Variants in PTPRJ observed in about 807,000 individuals in gnomAD.
PTPRJ encodes protein tyrosine phosphatase receptor type J.
In PTPRJ, 129 loss-of-function variants were observed where a neutral mutation model predicts 141.3. The ratio of observed to expected loss-of-function variants is 0.91; its 90% CI spans 0.79 to 1.06. The LOEUF (loss-of-function observed/expected upper bound fraction) is 1.06, where lower values mean the gene tolerates loss of function less well. Ranked by LOEUF, PTPRJ falls within the 50% of genes least tolerant of loss-of-function variation. The pLI is 0.00. For missense variants in PTPRJ, 1,601 were observed against 1,679.7 expected (o/e 0.95, Z 0.82); for synonymous variants, 610 against 640.5 (o/e 0.95, Z 0.72).
chr11:48,110,215 C>CT (rs1394841647), intron 2 of PTPRJ, 139 bp downstream of exon 2: 898 of 1,031,780 alleles, frequency 8.7e-4, no homozygotes, highest in Middle Eastern at 1.1e-3. Context: ...TTTTTCTTTT[C>CT]TTTTTTTTTG....
At chr11:48,091,004 C>A (rs1160863116) in intron 1 of PTPRJ, among the ~76,000 whole-genome samples, 1 of 152,162 alleles carries the variant, frequency 6.6e-6, no homozygotes, top group Admixed American at 6.5e-5. Context: ...GTTTGTCATA[C>A]CACATTCCGA....
intron 1 of PTPRJ, among the ~76,000 whole-genome samples, chr11:48,059,110 C>CTTTTTT (rs917350262): frequency 2.9e-5 from 3 of 102,160 alleles, no homozygotes; most frequent in African/African-American, 8.5e-5. Context: ...TGTGCTGTGC[C>CTTTTTT]TTTTTTTTTT....
chr11:48,138,795 A>G (rs1857163401), intron 10 of PTPRJ, among the ~76,000 whole-genome samples: 1 of 152,174 alleles, frequency 6.6e-6, no homozygotes, highest in Non-Finnish European at 1.5e-5. Flanking sequence ...CTGTGGATTT[A>G]TCTGCAGATG....
intron 1 of PTPRJ, among the ~76,000 whole-genome samples, chr11:48,033,148 G>T (rs1426475283): frequency 3.9e-5 from 6 of 152,146 alleles, no homozygotes; most frequent in Non-Finnish European, 7.3e-5. Flanking sequence ...GAGGGGATGG[G>T]TGCTATTTTC....
intron 1 of PTPRJ, among the ~76,000 whole-genome samples, chr11:48,099,413 C>T (rs955672941): frequency 1.3e-5 from 2 of 152,208 alleles, no homozygotes; most frequent in Non-Finnish European, 2.9e-5. Flanking sequence ...CAGCTACAGT[C>T]GTTAGTTTAC....
At chr11:48,100,055 C>G (rs1856114315) in intron 1 of PTPRJ, among the ~76,000 whole-genome samples, 1 of 152,128 alleles carries the variant, frequency 6.6e-6, no homozygotes, top group South Asian at 2.1e-4. Flanking sequence ...GCAGACCCCA[C>G]TGGCAGGTGT....
Position 48,078,908 on chromosome 11 carries a change from A to G in PTPRJ, c.97-31150A>G, listed in dbSNP as rs530168617. Among the ~76,000 whole-genome samples the G allele has an allele frequency of 8.0e-5, 12 of 149,464 alleles. No homozygotes were observed. The South Asian group carries it at 2.5e-3, about 31-fold the overall frequency. Reference sequence around the variant, plus strand: ...GCCCTGAGTAGTTGCTGCAGAGACCATATGGCCTGCAAAGACTAAAATATG... The same window carrying G: ...GCCCTGAGTAGTTGCTGCAGAGACCGTATGGCCTGCAAAGACTAAAATATG... On this transcript the variant is annotated intron_variant, in intron 1 of 24. Transcript: ENST00000418331.
intron 1 of PTPRJ, 60 bp from the exon 2 acceptor site, chr11:48,109,998 G>C (rs913747491): frequency 8.2e-6 from 13 of 1,592,636 alleles, no homozygotes; most frequent in Non-Finnish European, 1.1e-5. Context: ...CTTTATTTCT[G>C]ATTTGCATTT....
At chr11:48,103,931 G>A (rs913539101) in intron 1 of PTPRJ, among the ~76,000 whole-genome samples, 11 of 152,208 alleles carry the variant, frequency 7.2e-5, no homozygotes, top group Admixed American at 1.3e-4. Context: ...ATGAGCCAGC[G>A]GGGATCTTTG....
At chr11:48,011,186 A>G (rs752180151) in intron 1 of PTPRJ, among the ~76,000 whole-genome samples, 4 of 152,164 alleles carry the variant, frequency 2.6e-5, no homozygotes, top group Non-Finnish European at 5.9e-5. Flanking sequence ...CATTTAATCT[A>G]TAAGACTTGA....
intron 1 of PTPRJ, among the ~76,000 whole-genome samples, chr11:48,012,542 G>T (rs1346723636): frequency 1.3e-5 from 2 of 152,104 alleles, no homozygotes; most frequent in Non-Finnish European, 2.9e-5. Flanking sequence ...TACACAGCAA[G>T]TGTAACCTCT....
chr11:48,021,778 T>C (rs1422834795), intron 1 of PTPRJ, among the ~76,000 whole-genome samples: 3 of 152,132 alleles, frequency 2.0e-5, no homozygotes, highest in African/African-American at 4.8e-5. Context: ...GGGTTTTGTT[T>C]TGTTTTGTTT....
At chr11:48,090,981 C>T (rs1157575144) in intron 1 of PTPRJ, among the ~76,000 whole-genome samples, 1 of 152,172 alleles carries the variant, frequency 6.6e-6, no homozygotes, top group Admixed American at 6.5e-5. Flanking sequence ...TGGTGCTTCT[C>T]AAACCCAAGG....
At chr11:48,055,926 G>A (rs181113495) in intron 1 of PTPRJ, among the ~76,000 whole-genome samples, 1 of 152,282 alleles carries the variant, frequency 6.6e-6, no homozygotes, top group East Asian at 1.9e-4. Flanking sequence ...TTTCCAGCTC[G>A]GTTACTTGCT....
chr11:48,159,131 G>C lies in PTPRJ; in HGVS notation c.3439-799G>C, dbSNP rs1483519340. ...GTGTGTGTGTATGTGGGGTGTGTGT[G>C]TGTGTGTGTGTGTGTGTGTGTGTGT... On this transcript the variant is annotated intron_variant, in intron 21 of 24. Coordinates refer to ENST00000418331, the MANE Select transcript of PTPRJ (RefSeq NM_002843.4). 6.3e-5 allele frequency among the ~76,000 whole-genome samples: 9 copies of C among 143,222 alleles called. 1 individual carries two copies. The highest frequency in any genetic ancestry group is 1.4e-4 in the Admixed American group (2 of 14,170). 94.0% of individuals were successfully genotyped at this position (143,222 alleles called of 152,430 possible).
chr11:48,055,859 G>C lies in PTPRJ; in HGVS notation c.97-54199G>C, dbSNP rs75874665. ...GGGAGCAATAAGCAGTGCTGAAAAC[G>C]CGATGCATTTCAACCCAAAGCACTC... On this transcript the variant is annotated intron_variant, in intron 1 of 24. Transcript: ENST00000418331. 2.0e-3 allele frequency among the ~76,000 whole-genome samples: 301 copies of C among 152,348 alleles called. 11 individuals are homozygous for C. The East Asian group carries it at 0.046, about 24-fold the overall frequency.
intron 8 of PTPRJ, chr11:48,132,571 G>A: frequency 1.0e-6 from 1 of 970,786 alleles, no homozygotes; most frequent in Non-Finnish European, 1.2e-6. Context: ...ACAGAGGGTA[G>A]AATAAAGATA....
At chr11:48,096,929 CCTT>C (rs1856019600) in intron 1 of PTPRJ, 4 of 155,022 alleles carry the variant, frequency 2.6e-5, no homozygotes, top group South Asian at 2.0e-4. Flanking sequence ...TTTTTTCTCA[CCTT>C]CTTCTTGGCT....
At chr11:48,007,257 C>A (rs1487643042) in intron 1 of PTPRJ, among the ~76,000 whole-genome samples, 1 of 144,646 alleles carries the variant, frequency 6.9e-6, no homozygotes, top group Non-Finnish European at 1.5e-5. Context: ...CCTGCCACCA[C>A]GCCCGGCTAA....
Sources: gnomAD v4.1 joint callset for allele counts (sites outside exome capture counted in the v4.1 genomes callset) on GRCh38, gnomAD v4.1.1 for gene constraint, MANE v1.5 for transcripts, NCBI Gene and HGNC (gene_info 2026-07-23, HGNC 2026-07-21) for gene names.